The following PTPRN2 variants were observed in gnomAD, a reference collection of about 807,000 sequenced individuals.
PTPRN2 encodes the protein protein tyrosine phosphatase receptor type N2, also known as receptor-type tyrosine-protein phosphatase N2.
In PTPRN2, 74 loss-of-function variants were observed where a neutral mutation model predicts 118.8. The observed-to-expected ratio is 0.62, with a 90% CI of 0.52 to 0.76. The LOEUF (loss-of-function observed/expected upper bound fraction) is 0.76, where lower values mean the gene tolerates loss of function less well. Among genes scored for constraint, PTPRN2 ranks in the 30% least tolerant of loss-of-function variants. The pLI is 0.00. For synonymous variants in PTPRN2, 641 were observed against 608.0 expected (o/e 1.05, Z -0.80); for missense variants, 1,481 against 1,394.4 (o/e 1.06, Z -0.99).
intron 12 of PTPRN2, among the ~76,000 whole-genome samples, chr7:157,723,128 G>C: frequency 6.6e-6 from 1 of 152,214 alleles, no homozygotes; most frequent in Admixed American, 6.5e-5. Context: ...CCTTCAAAGA[G>C]GAACTCACAC....
chr7:157,898,478 T>C (rs1019024993), intron 12 of PTPRN2, among the ~76,000 whole-genome samples, 195 bp downstream of exon 12: 3 of 152,202 alleles, frequency 2.0e-5, no homozygotes, highest in African/African-American at 7.2e-5. Flanking sequence ...TAAGACATCA[T>C]TGAACTCGCC....
At chr7:158,448,635 G>C (rs759553744) in intron 2 of PTPRN2, among the ~76,000 whole-genome samples, 3 of 152,240 alleles carry the variant, frequency 2.0e-5, no homozygotes, top group Non-Finnish European at 4.4e-5. Flanking sequence ...CCTGGGCCAA[G>C]GGCATGGGGC....
chr7:157,614,585 C>A (rs887545477), intron 15 of PTPRN2, among the ~76,000 whole-genome samples: 6 of 152,156 alleles, frequency 3.9e-5, no homozygotes, highest in Non-Finnish European at 8.8e-5. Context: ...CGGCGGGAGT[C>A]CCTGGGAGTG....
At chr7:157,738,220 C>T (rs1010686721) in intron 12 of PTPRN2, among the ~76,000 whole-genome samples, 7 of 152,152 alleles carry the variant, frequency 4.6e-5, no homozygotes, top group East Asian at 1.9e-4. Context: ...CCCAGGGGGA[C>T]GTATCTGTGT....
rs959272381 is a variant in PTPRN2, at chr7:157,618,497, C to T, written c.2344+2865G>A. ...ACAGCGCAGCATGGGCCTTCCAAGC[C>T]ACAGAGCCACAGGGAAGCCAGTCCT... is the stretch of plus-strand genomic sequence containing the variant. On this transcript the variant is annotated intron_variant, in intron 15 of 22. Transcript: ENST00000389418. This position sits in a 1 kb window ranked among gnomAD's most constrained non-coding sequence, Gnocchi z 4.2. 2.0e-5 allele frequency: 3 copies of T among 152,386 alleles called. No individual in the cohort carries two copies. Among genetic ancestry groups the T allele is most frequent in the African/African-American group, 7.2e-5 (3 of 41,456 alleles). The allele number at this position is 152,386 out of a possible 1,614,324, so 9.4% of individuals were successfully genotyped here. A position where few individuals can be genotyped will look rare whatever the true frequency, so the allele number is the denominator to read the frequency against.
intron 12 of PTPRN2, among the ~76,000 whole-genome samples, chr7:157,696,290 TAG>T (rs1470364139): frequency 8.0e-6 from 1 of 125,664 alleles, no homozygotes; most frequent in Non-Finnish European, 1.7e-5. Flanking sequence ...TACTGGATCT[TAG>T]TAGAGCCCTC....
At chr7:157,843,170 T>C (rs1808559040) in intron 12 of PTPRN2, among the ~76,000 whole-genome samples, 1 of 152,228 alleles carries the variant, frequency 6.6e-6, no homozygotes, top group African/African-American at 2.4e-5. Flanking sequence ...TAATGTAGCC[T>C]TCAAATGTGT....
In PTPRN2 at chr7:157,603,615, A is replaced by C. The variant is rs1402476950; in HGVS notation, c.2418+387T>G. 6.6e-6 allele frequency among the ~76,000 whole-genome samples: 1 copy of C among 152,232 alleles called. No homozygotes were observed. Among genetic ancestry groups the C allele is most frequent in the African/African-American group, 2.4e-5 (1 of 41,456 alleles). On this transcript the variant is annotated intron_variant, in intron 16 of 22. Coordinates refer to ENST00000389418, the MANE Select transcript of PTPRN2 (RefSeq NM_002847.5). This position sits in a 1 kb window ranked among gnomAD's most constrained non-coding sequence, Gnocchi z 5.4. ...CTCCAAGCCACTGATTGTTACAAAA[A>C]GCGTAGACTGAGGCCTCATGTCCCC...
At chr7:157,979,836 G>A (rs1803005026) in intron 11 of PTPRN2, among the ~76,000 whole-genome samples, 1 of 152,174 alleles carries the variant, frequency 6.6e-6, no homozygotes, top group Non-Finnish European at 1.5e-5. Context: ...TCAGCTTCCT[G>A]CTCAATCGCA....
chr7:158,512,286 C>G (rs1823235512), intron 1 of PTPRN2, among the ~76,000 whole-genome samples: 1 of 152,212 alleles, frequency 6.6e-6, no homozygotes, highest in African/African-American at 2.4e-5. Context: ...GCTAGCAATT[C>G]TGACTCTACC....
intron 5 of PTPRN2, 112 bp downstream of exon 5, chr7:158,192,215 C>T (rs1371166690): frequency 5.6e-6 from 7 of 1,242,020 alleles, no homozygotes; most frequent in Non-Finnish European, 7.4e-6. Context: ...GCCCGCTGGC[C>T]CGGGAAACAG....
intron 12 of PTPRN2, among the ~76,000 whole-genome samples, chr7:157,889,684 TG>T (rs1331492353): frequency 6.6e-6 from 1 of 152,266 alleles, no homozygotes; most frequent in Non-Finnish European, 1.5e-5. Context: ...CATAACCTGC[TG>T]AATATGTATA....
rs372249575 is a variant in PTPRN2, at chr7:158,406,587, G to A, written c.163+83148C>T. ...CGGCTCCTTCCCCAGGGCAGGTGCCGCTCTGGAAGCCTCCCCAGTCTCTCC... is the reference window on the plus strand; with the variant it reads ...CGGCTCCTTCCCCAGGGCAGGTGCCACTCTGGAAGCCTCCCCAGTCTCTCC... On this transcript the variant is annotated intron_variant, in intron 2 of 22. Transcript: ENST00000389418. Among the ~76,000 whole-genome samples, 190 of 152,330 alleles carry A rather than the reference G, an allele frequency of 1.2e-3. 7 individuals carry two copies. The South Asian group carries it at 0.029, about 24-fold the overall frequency.
intron 11 of PTPRN2, among the ~76,000 whole-genome samples, chr7:158,024,638 C>A (rs1004102285): frequency 2.0e-5 from 3 of 152,280 alleles, no homozygotes; most frequent in African/African-American, 7.2e-5. Context: ...GCTCCTGACC[C>A]CATGGGGCTG....
chr7:157,669,440 C>CA (rs71189723), intron 13 of PTPRN2: 6 of 455,668 alleles, frequency 1.3e-5, no homozygotes, highest in Non-Finnish European at 2.2e-5. Context: ...CACACACACA[C>CA]CCAGGGGAGG....
intron 11 of PTPRN2, among the ~76,000 whole-genome samples, chr7:157,922,911 G>A (rs1368555077): frequency 1.1e-4 from 17 of 152,224 alleles, no homozygotes. Flanking sequence ...TACAAATGAT[G>A]CCACCAGTGG....
intron 2 of PTPRN2, among the ~76,000 whole-genome samples, chr7:158,436,262 G>A (rs1057455067): frequency 4.6e-5 from 7 of 152,208 alleles, no homozygotes; most frequent in Non-Finnish European, 8.8e-5. Flanking sequence ...TGGTTTCCAT[G>A]TGGGTTTACT....
intron 6 of PTPRN2, among the ~76,000 whole-genome samples, chr7:158,153,695 T>C (rs1821419976): frequency 6.6e-6 from 1 of 152,144 alleles, no homozygotes; most frequent in Admixed American, 6.5e-5. Context: ...ACAGCTTTGA[T>C]TTTTACTGAG....
At chr7:158,406,960 C>G (rs1209715713) in intron 2 of PTPRN2, among the ~76,000 whole-genome samples, 2 of 152,166 alleles carry the variant, frequency 1.3e-5, no homozygotes, top group Non-Finnish European at 2.9e-5. Flanking sequence ...GCACAGGCCT[C>G]GCCCACAGCA....
Sources: gnomAD v4.1 joint callset for allele counts (sites outside exome capture counted in the v4.1 genomes callset) on GRCh38, gnomAD v4.1.1 for gene constraint, Gnocchi (gnomAD v3.1) non-coding constraint, MANE v1.5 for transcripts, NCBI Gene and HGNC (gene_info 2026-07-23, HGNC 2026-07-21) for gene names.